The following JAK2 variants were observed in gnomAD, a reference collection of about 807,000 sequenced individuals.
The protein encoded by JAK2 is Janus kinase 2, also known as tyrosine-protein kinase JAK2.
Under a neutral mutation model 139.3 loss-of-function variants are expected in JAK2, and 86 were observed. The ratio of observed to expected loss-of-function variants is 0.62; its 90% CI spans 0.52 to 0.74. JAK2 has a LOEUF of 0.74. JAK2 is among the 30% of genes least tolerant of loss of function. JAK2 has a pLI of 0.00. For missense variants in JAK2, 1,421 were observed against 1,360.3 expected (o/e 1.04, Z -0.70); for synonymous variants, 490 against 437.7 (o/e 1.12, Z -1.49).
intron 22 of JAK2, among the ~76,000 whole-genome samples, chr9:5,102,504 A>G (rs1821584849): frequency 6.6e-6 from 1 of 152,208 alleles, no homozygotes; most frequent in Non-Finnish European, 1.5e-5. Flanking sequence ...CCGACCTACC[A>G]AGGCAGGCCA....
intron 2 of JAK2, among the ~76,000 whole-genome samples, chr9:4,998,484 T>C (rs1448842435): frequency 6.6e-6 from 1 of 152,162 alleles, no homozygotes. Context: ...CTCGAACTCC[T>C]GACCTCGTGA....
intron 3 of JAK2, among the ~76,000 whole-genome samples, chr9:5,028,278 G>A (rs1381744070): frequency 6.6e-6 from 1 of 152,196 alleles, no homozygotes; most frequent in Non-Finnish European, 1.5e-5. Flanking sequence ...CATTGTCAAT[G>A]AGTAATAATA....
At chr9:5,112,558 G>T in intron 22 of JAK2, 1 of 625,992 alleles carries the variant, frequency 1.6e-6, no homozygotes, top group Admixed American at 2.6e-5. Context: ...GGCCAATAAC[G>T]CCAGGGAGCG....
intron 22 of JAK2, among the ~76,000 whole-genome samples, chr9:5,121,541 T>C (rs970918157): frequency 5.3e-5 from 8 of 152,164 alleles, no homozygotes; most frequent in African/African-American, 1.9e-4. Context: ...CCACAGAAAC[T>C]GGGAGTAAGG....
chr9:5,085,144 T>C (rs1228960511), intron 19 of JAK2: 1 of 647,428 alleles, frequency 1.5e-6, no homozygotes, highest in African/African-American at 1.8e-5. Flanking sequence ...CTGTAATACA[T>C]ACTGTGGAGC....
chr9:5,101,791 A>G (rs1195143354), intron 22 of JAK2, among the ~76,000 whole-genome samples: 1 of 152,240 alleles, frequency 6.6e-6, no homozygotes, highest in Admixed American at 6.5e-5. Context: ...AAACTCCAAG[A>G]GACCTGCAGC....
At chr9:5,066,644 T>A (rs759822677) in intron 9 of JAK2, 34 bp from the exon 10 acceptor site, 1 of 1,114,422 alleles carries the variant, frequency 9.0e-7, no homozygotes, top group Non-Finnish European at 1.4e-6. Flanking sequence ...TGGTGCTTGA[T>A]ATATTATTCA....
At chr9:4,999,891 T>C (rs1223309656) in intron 2 of JAK2, among the ~76,000 whole-genome samples, 1 of 152,202 alleles carries the variant, frequency 6.6e-6, no homozygotes, top group African/African-American at 2.4e-5. Context: ...CTCCTGTCCT[T>C]TTTCAAAGGA....
intron 3 of JAK2, among the ~76,000 whole-genome samples, chr9:5,024,279 G>A (rs947235850): frequency 6.6e-6 from 1 of 152,032 alleles, no homozygotes; most frequent in South Asian, 2.1e-4. Context: ...TTTTTGGCTT[G>A]TAAGATTCAT....
intron 4 of JAK2, among the ~76,000 whole-genome samples, chr9:5,034,949 G>A (rs1471905846): frequency 6.6e-6 from 1 of 152,168 alleles, no homozygotes; most frequent in Non-Finnish European, 1.5e-5. Context: ...GAATGCTGGA[G>A]CTGGTGTTTT....
chr9:5,041,571 C>CA (rs1417013202), intron 4 of JAK2: 2 of 515,752 alleles, frequency 3.9e-6, no homozygotes, highest in Admixed American at 2.3e-5. Context: ...TACGTACCTG[C>CA]ACTACGTGCG....
intron 19 of JAK2, among the ~76,000 whole-genome samples, chr9:5,088,918 T>C (rs868106087): frequency 6.6e-6 from 1 of 152,184 alleles, no homozygotes. Context: ...GGTTAAGGCT[T>C]CATTATATAA....
chr9:4,992,031 T>C (rs141870270), intron 2 of JAK2, among the ~76,000 whole-genome samples: 13 of 152,298 alleles, frequency 8.5e-5, no homozygotes, highest in South Asian at 2.1e-4. Context: ...GGTCAGTAAT[T>C]GAGACAGGGC....
At chr9:5,005,083 ATTTTTTTTTTTTTTTTTTTTTTTT>A (rs527982744) in intron 2 of JAK2, among the ~76,000 whole-genome samples, 529 of 40,004 alleles carry the variant, frequency 0.013, 2 homozygotes, top group Admixed American at 0.022. Context: ...TGCCTGGCTA[ATTTTTTTTTTTTTTTTTTTTTTTT>A]TTTTTTTTTT....
At chr9:5,019,668 T>C (rs1328895227) in intron 2 of JAK2, among the ~76,000 whole-genome samples, 1 of 152,216 alleles carries the variant, frequency 6.6e-6, no homozygotes, top group Non-Finnish European at 1.5e-5. Context: ...ATCACTTCCA[T>C]TTTTTTGAAT....
At chr9:5,077,653 G>A in intron 15 of JAK2, 73 bp downstream of exon 15, 1 of 974,352 alleles carries the variant, frequency 1.0e-6, no homozygotes, top group Non-Finnish European at 1.4e-6. Context: ...ATCTTTACCT[G>A]GAAACAAAAA....
At chr9:5,068,168 C>A (rs183817714) in intron 10 of JAK2, among the ~76,000 whole-genome samples, 16 of 79,652 alleles carry the variant, frequency 2.0e-4, no homozygotes, top group Admixed American at 7.7e-4. Context: ...CAAAAAAAAA[C>A]AACAACAAAA....
chr9:5,090,613 G>A (rs751033010), intron 21 of JAK2, 43 bp downstream of exon 21: 2 of 1,547,890 alleles, frequency 1.3e-6, no homozygotes, highest in South Asian at 1.3e-5. Flanking sequence ...AAGCAACCGT[G>A]TTGAAGTAGA....
intron 2 of JAK2, among the ~76,000 whole-genome samples, chr9:4,998,260 TTTG>T (rs1180890202): frequency 9.2e-5 from 14 of 152,030 alleles, no homozygotes; most frequent in Admixed American, 2.0e-4. Flanking sequence ...AACGGGTTTT[TTTG>T]TTGTTGTTGT....
Sources: gnomAD v4.1 joint callset for allele counts (sites outside exome capture counted in the v4.1 genomes callset) on GRCh38, gnomAD v4.1.1 for gene constraint, MANE v1.5 for transcripts, NCBI Gene and HGNC (gene_info 2026-07-23, HGNC 2026-07-21) for gene names.